Variants in KCNJ13 observed in about 807,000 individuals in gnomAD.
The protein encoded by KCNJ13 is potassium inwardly rectifying channel subfamily J member 13, also known as inward rectifier potassium channel 13.
Under a neutral mutation model 24.6 loss-of-function variants are expected in KCNJ13, and 9 were observed. The ratio of observed to expected loss-of-function variants is 0.37; its 90% CI spans 0.22 to 0.64. The LOEUF (loss-of-function observed/expected upper bound fraction) is 0.64. KCNJ13 is among the 30% of genes least tolerant of loss of function. KCNJ13 has a pLI of 0.64. For synonymous variants in KCNJ13, 148 were observed against 154.7 expected (o/e 0.96, Z 0.32); for missense variants, 337 against 443.8 (o/e 0.76, Z 2.16).
At chr2:232,774,819 T>G (rs1282486591) in intron 1 of KCNJ13, among the ~76,000 whole-genome samples, 1 of 152,242 alleles carries the variant, frequency 6.6e-6, no homozygotes, top group African/African-American at 2.4e-5. Context: ...TTTTGTATTT[T>G]CAACCTATTT....
Position 232,766,691 on chromosome 2 carries a change from C to A in KCNJ13, c.*1500G>T, listed in dbSNP as rs543305193. 6.6e-6 allele frequency: 1 copy of A among 152,154 alleles called. No homozygotes were observed. Among genetic ancestry groups the A allele is most frequent in the Non-Finnish European group, 1.5e-5 (1 of 68,054 alleles). The allele number at this position is 152,154 out of a possible 1,614,324, so 9.4% of individuals were successfully genotyped here. On this transcript the variant is annotated 3_prime_UTR_variant, in exon 3 of 3. Transcript: ENST00000233826. ...TCTTCTGCTATTATCAGTCTTAGAC[C>A]ACTCCAGAGTTCTTCTTTATTTTCT...
intron 1 of KCNJ13, among the ~76,000 whole-genome samples, chr2:232,771,839 G>C (rs1699266026): frequency 6.6e-6 from 1 of 152,148 alleles, no homozygotes; most frequent in Admixed American, 6.5e-5. Context: ...TAAATAATTA[G>C]AAGTCATTTG....
At chr2:232,769,505 C>CAAA (rs34912964) in intron 2 of KCNJ13, among the ~76,000 whole-genome samples, 13 of 66,414 alleles carry the variant, frequency 2.0e-4, no homozygotes, top group Non-Finnish European at 2.9e-4. Context: ...GACTCCATCT[C>CAAA]AAAAAAAAAA....
At chr2:232,775,192 A>T (rs1358397063) in intron 1 of KCNJ13, among the ~76,000 whole-genome samples, 2 of 151,932 alleles carry the variant, frequency 1.3e-5, no homozygotes, top group East Asian at 3.9e-4. Flanking sequence ...TATTCTGTGG[A>T]CTCTTATAGT....
intron 2 of KCNJ13, among the ~76,000 whole-genome samples, chr2:232,769,815 A>C (rs1424517700): frequency 6.6e-6 from 1 of 152,212 alleles, no homozygotes; most frequent in Non-Finnish European, 1.5e-5. Context: ...AATTCAGTTG[A>C]ACATTTAAGA....
chr2:232,768,730 C>G lies in KCNJ13; in HGVS notation c.544G>C (p.Asp182His), dbSNP rs773211176. The change falls in exon 3 of 3, where the codon GAT becomes CAT. Residue 182 changes from aspartate to histidine, a missense_variant. Asp to His is a moderately conservative substitution (Grantham distance 81). Coordinates refer to ENST00000233826, the MANE Select transcript of KCNJ13 (RefSeq NM_002242.4). ...FTDTAVVAHM[D>H]GKPNLIFQVA... The stretch of plus-strand genomic sequence containing the variant: ...TGGAAGATAAGATTAGGTTTGCCAT[C>G]CATGTGAGCTACTACTGCTGTGTCA... 3.7e-6 allele frequency: 6 copies of G among 1,601,340 alleles called. No individual in the cohort carries two copies. The highest frequency in any genetic ancestry group is 2.2e-5 in the East Asian group (1 of 44,554).
chr2:232,770,309 G>A (rs530361823), intron 2 of KCNJ13, among the ~76,000 whole-genome samples: 3 of 152,320 alleles, frequency 2.0e-5, no homozygotes, highest in African/African-American at 7.2e-5. Context: ...AGAGTTTTCT[G>A]TGTTCATGAG....
At position 232,767,267 on chromosome 2, in the gene KCNJ13, C is replaced by G. The variant is rs1305506910; in HGVS notation, c.*924G>C. On this transcript the variant is annotated 3_prime_UTR_variant, in exon 3 of 3. Coordinates refer to ENST00000233826, the MANE Select transcript of KCNJ13 (RefSeq NM_002242.4). Reference sequence around the variant, plus strand: ...TCTACTGTAGATTTTTTTCCCTACTCACTCAAGTTATATCTAAGTAAAGCT... The same window carrying G: ...TCTACTGTAGATTTTTTTCCCTACTGACTCAAGTTATATCTAAGTAAAGCT... 6.6e-6 allele frequency: 1 copy of G among 152,026 alleles called. No homozygotes were observed. Among genetic ancestry groups the G allele is most frequent in the Non-Finnish European group, 1.5e-5 (1 of 67,976 alleles). 9.4% of individuals were successfully genotyped at this position (152,026 alleles called of 1,614,324 possible).
chr2:232,775,661 G>T (rs1699481882), intron 1 of KCNJ13, among the ~76,000 whole-genome samples: 1 of 152,122 alleles, frequency 6.6e-6, no homozygotes, highest in Non-Finnish European at 1.5e-5. Flanking sequence ...ATGATAGGCA[G>T]CTTCACTGAT....
rs1264430144 is a variant in KCNJ13 at position 232,768,809 on chromosome 2, A to G, written c.465T>C (p.Ala155=). The G allele has an allele frequency of 6.2e-7, 1 of 1,604,280 alleles. No homozygotes were observed. The highest frequency in any genetic ancestry group is 1.3e-5 in the African/African-American group (1 of 74,580). Residue 155 remains alanine (A), a synonymous_variant, in exon 3 of 3, where the codon GCT becomes GCC. Coordinates refer to ENST00000233826, the MANE Select transcript of KCNJ13 (RefSeq NM_002242.4). ...TTGGCCGGGCAATCTTCGCCACAAA[A>G]GCACCTAAATAAGAAATTATTGATT... ...GLMLEAFITG[A]FVAKIARPKN...
At chr2:232,772,018 TC>T (rs1203936916) in intron 1 of KCNJ13, among the ~76,000 whole-genome samples, 1 of 152,202 alleles carries the variant, frequency 6.6e-6, no homozygotes, top group Non-Finnish European at 1.5e-5. Context: ...AGGGTCTTGC[TC>T]TGTCTCCTAG....
In KCNJ13 at chr2:232,768,567, A is replaced by T. The variant is rs1346994563; in HGVS notation, c.707T>A (p.Phe236Tyr). ...ATAGTACGTTAGTGGAAAGATGAAG[A>T]ATGGACATTCGTCAGAACTGATGCC... The part of the protein sequence containing the change: ...LDGISSDECP[F>Y]FIFPLTYYHS... The change falls in exon 3 of 3, where the codon TTC becomes TAC. Residue 236 changes from phenylalanine to tyrosine, a missense_variant. Phe to Tyr is a conservative substitution (Grantham distance 22). Coordinates refer to ENST00000233826, the MANE Select transcript of KCNJ13 (RefSeq NM_002242.4). 7 of 1,614,192 alleles carry T rather than the reference A, an allele frequency of 4.3e-6. No homozygotes were observed. The highest frequency in any genetic ancestry group is 1.6e-4 in the Middle Eastern group (1 of 6,062).
intron 2 of KCNJ13, among the ~76,000 whole-genome samples, chr2:232,769,398 G>A (rs1699128999): frequency 6.6e-6 from 1 of 151,206 alleles, no homozygotes; most frequent in South Asian, 2.1e-4. Flanking sequence ...GGGTCTGGTG[G>A]CACATGCCTG....
At chr2:232,772,651 G>A (rs1316692252) in intron 1 of KCNJ13, among the ~76,000 whole-genome samples, 2 of 152,260 alleles carry the variant, frequency 1.3e-5, no homozygotes, top group African/African-American at 4.8e-5. Flanking sequence ...CAGTTACTAG[G>A]AACAGAACAG....
At chr2:232,776,192 A>G (rs1231566219) in intron 1 of KCNJ13, among the ~76,000 whole-genome samples, 1 of 152,028 alleles carries the variant, frequency 6.6e-6, no homozygotes, top group Non-Finnish European at 1.5e-5. Context: ...CTACTGATAT[A>G]TTGTAATAGA....
intron 1 of KCNJ13, among the ~76,000 whole-genome samples, chr2:232,774,102 C>T (rs905439013): frequency 1.3e-5 from 2 of 149,156 alleles, no homozygotes; most frequent in Middle Eastern, 3.2e-3. Context: ...GCCAACATAG[C>T]GAGACCCTGT....
Position 232,770,962 on chromosome 2 carries a change from G to A in KCNJ13, c.401C>T (p.Ala134Val). The change falls in exon 2 of 3, where the codon GCA becomes GTA. Residue 134 changes from alanine to valine, a missense_variant. Physicochemically the swap from Ala to Val is moderately conservative, Grantham distance 64. This residue lies in a region of KCNJ13 where 235 missense variants were observed against 286.9 expected (regional missense o/e 0.82). Coordinates refer to ENST00000233826, the MANE Select transcript of KCNJ13 (RefSeq NM_002242.4). Reference sequence around the variant, plus strand: ...CATTTGTATGGCAAGTAAGGCGATTGCACTTGGACAGTCACCACTGGGGAA... The same window carrying A: ...CATTTGTATGGCAAGTAAGGCGATTACACTTGGACAGTCACCACTGGGGAA... The part of the protein sequence containing the change: ...TMFPSGDCPS[A>V]IALLAIQMLL... 1 of 1,614,036 alleles carries A rather than the reference G, an allele frequency of 6.2e-7. No homozygotes were observed. Among genetic ancestry groups the A allele is most frequent in the Non-Finnish European group, 8.5e-7 (1 of 1,179,972 alleles).
rs371946844 is a variant in KCNJ13, at chr2:232,768,496, C to T, written c.778G>A (p.Glu260Lys). ...SSPLATLLQH[E>K]NPSHFELVVF... ...ACTAATTCAAAGTGAGAAGGATTTT[C>T]ATGCTGGAGCAGAGTAGCCAGAGGA... The change falls in exon 3 of 3, where the codon GAA (glutamate) becomes AAA (lysine). Residue 260 changes from glutamate (E) to lysine (K), a missense_variant. Around this residue, in one of 3 missense-constraint regions of KCNJ13, gnomAD observed 235 missense variants for 286.9 expected, o/e 0.82. Transcript: ENST00000233826. 1.2e-6 allele frequency: 2 copies of T among 1,614,040 alleles called. No individual in the cohort carries two copies. Among genetic ancestry groups the T allele is most frequent in the African/African-American group, 1.3e-5 (1 of 74,938 alleles).
intron 1 of KCNJ13, among the ~76,000 whole-genome samples, chr2:232,773,711 A>T (rs1699379359): frequency 6.6e-6 from 1 of 152,088 alleles, no homozygotes; most frequent in African/African-American, 2.4e-5. Flanking sequence ...ATGTGCCAGG[A>T]ATCATACCAA....
Sources: gnomAD v4.1 joint callset for allele counts (sites outside exome capture counted in the v4.1 genomes callset) on GRCh38, gnomAD v4.1.1 for gene constraint, gnomAD v4.1.1 regional missense constraint, MANE v1.5 for transcripts, NCBI Gene and HGNC (gene_info 2026-07-23, HGNC 2026-07-21) for gene names.